The following POLR1B variants were observed in gnomAD, a reference collection of about 807,000 sequenced individuals.
The protein encoded by POLR1B is DNA-directed RNA polymerase I subunit RPA2.
A neutral mutation model predicts 105.8 loss-of-function variants in POLR1B; 30 were observed. The ratio of observed to expected loss-of-function variants is 0.28; its 90% CI spans 0.21 to 0.38. POLR1B has a LOEUF of 0.38. POLR1B is among the 10% of genes least tolerant of loss of function. The pLI, the probability that POLR1B is intolerant of heterozygous loss-of-function variation, is 1.00. For missense variants in POLR1B, 976 were observed against 1,435.8 expected, an observed-to-expected ratio of 0.68 and a Z score of 5.17; for synonymous variants, 485 against 505.1, an observed-to-expected ratio of 0.96 and a Z score of 0.53.
At chr2:112,562,519 C>G (rs1024945416) in intron 9 of POLR1B, among the ~76,000 whole-genome samples, 1 of 152,082 alleles carries the variant, frequency 6.6e-6, no homozygotes, top group Admixed American at 6.5e-5. Flanking sequence ...CGGTTTCCCA[C>G]AGTGCATATG....
intron 11 of POLR1B, 29 bp from the exon 12 acceptor site, chr2:112,568,717 T>C: frequency 6.2e-7 from 1 of 1,609,956 alleles, no homozygotes; most frequent in South Asian, 1.1e-5. Context: ...GTTGCAGTTA[T>C]TTTGTGCCTT....
chr2:112,546,327 T>G (rs1300159163), intron 1 of POLR1B, among the ~76,000 whole-genome samples: 1 of 152,176 alleles, frequency 6.6e-6, no homozygotes, highest in Non-Finnish European at 1.5e-5. Flanking sequence ...GTATCCTTGC[T>G]CTATTAGCAG....
intron 10 of POLR1B, among the ~76,000 whole-genome samples, chr2:112,565,089 C>T (rs991404902): frequency 3.9e-5 from 6 of 152,272 alleles, no homozygotes; most frequent in South Asian, 2.1e-4. Flanking sequence ...AGTGCTGTTT[C>T]GGACACTTGG....
At chr2:112,572,832 G>A in intron 13 of POLR1B, 74 bp downstream of exon 13, 1 of 1,357,676 alleles carries the variant, frequency 7.4e-7, no homozygotes, top group South Asian at 1.5e-5. Flanking sequence ...AATCACTGAA[G>A]GAATATTTTT....
At chr2:112,567,896 G>T in intron 10 of POLR1B, 71 bp from the exon 11 acceptor site, 3 of 1,315,192 alleles carry the variant, frequency 2.3e-6, no homozygotes, top group South Asian at 1.3e-5. Flanking sequence ...GTATTCCATG[G>T]GGCATAAGAC....
intron 9 of POLR1B, 72 bp from the exon 10 acceptor site, chr2:112,564,294 C>T (rs1031411089): frequency 6.4e-7 from 1 of 1,558,326 alleles, no homozygotes; most frequent in Non-Finnish European, 8.8e-7. Flanking sequence ...AGCTGTTGAC[C>T]CCATCTGGAG....
At chr2:112,556,530 G>C (rs1683671358) in intron 7 of POLR1B, among the ~76,000 whole-genome samples, 1 of 152,178 alleles carries the variant, frequency 6.6e-6, no homozygotes, top group Non-Finnish European at 1.5e-5. Flanking sequence ...GAAATGAAAT[G>C]TGTCACTTCC....
chr2:112,561,941 G>A (rs933297103), intron 9 of POLR1B, among the ~76,000 whole-genome samples: 3 of 152,050 alleles, frequency 2.0e-5, no homozygotes, highest in African/African-American at 7.3e-5. Context: ...CAAAGTGCTG[G>A]GATTGCAGGT....
At chr2:112,556,180 C>T (rs541982568) in intron 7 of POLR1B, among the ~76,000 whole-genome samples, 3 of 152,326 alleles carry the variant, frequency 2.0e-5, no homozygotes, top group South Asian at 4.1e-4. Context: ...ATCTAAACAG[C>T]AACCAGCAGA....
At chr2:112,549,231 C>G in intron 3 of POLR1B, 36 bp from the exon 4 acceptor site, 1 of 1,608,804 alleles carries the variant, frequency 6.2e-7, no homozygotes, top group Non-Finnish European at 8.5e-7. Context: ...AGTCATGTAT[C>G]TTTGTTTAAC....
chr2:112,549,171 T>A, intron 3 of POLR1B, 96 bp from the exon 4 acceptor site: 1 of 1,348,128 alleles, frequency 7.4e-7, no homozygotes, highest in Non-Finnish European at 1.1e-6. Flanking sequence ...GTGTTCCTAT[T>A]CTGTGTGTTG....
At position 112,575,883 on chromosome 2, in the gene POLR1B, T is replaced by C; in HGVS notation, c.*154T>C. 2.9e-6 allele frequency: 2 copies of C among 700,124 alleles called. No homozygotes were observed. Among genetic ancestry groups the C allele is most frequent in the South Asian group, 3.9e-5 (2 of 50,936 alleles). 43.4% of individuals were successfully genotyped at this position (700,124 alleles called of 1,614,324 possible). A position where few individuals can be genotyped will look rare whatever the true frequency, so the allele number is the denominator to read the frequency against. On this transcript the variant is annotated 3_prime_UTR_variant, in exon 15 of 15. Transcript: ENST00000263331. This position sits in a 1 kb window ranked among gnomAD's most constrained non-coding sequence, Gnocchi z 5.3. The stretch of plus-strand genomic sequence containing the variant: ...CTGAAAACCAAGTATGCAAGGTTTC[T>C]GAATCTCTCTGGTAGATTAACTATT...
Position 112,568,738 on chromosome 2 carries a change from T to C in POLR1B, c.1918-8T>C, listed in dbSNP as rs1425388181. 1.9e-6 allele frequency: 3 copies of C among 1,613,602 alleles called. No homozygotes were observed. Among genetic ancestry groups the C allele is most frequent in the East Asian group, 2.2e-5 (1 of 44,874 alleles). On this transcript the variant is annotated splice_region_variant and splice_polypyrimidine_tract_variant and intron_variant, in intron 11 of 14. Transcript: ENST00000263331. ...GTTATTTTGTGCCTTGGACATCTGC[T>C]CTTCCAGATCTTCATGAATGTCGCT...
intron 9 of POLR1B, among the ~76,000 whole-genome samples, chr2:112,562,069 A>G (rs1291635410): frequency 2.6e-5 from 4 of 152,130 alleles, no homozygotes; most frequent in Admixed American, 2.0e-4. Flanking sequence ...GGCAAGGGGC[A>G]CTTGTTTATA....
chr2:112,565,285 T>G (rs891286509), intron 10 of POLR1B, among the ~76,000 whole-genome samples: 1 of 152,226 alleles, frequency 6.6e-6, no homozygotes, highest in African/African-American at 2.4e-5. Flanking sequence ...CCCCCCTGTA[T>G]ACACATTACC....
Position 112,557,964 on chromosome 2 carries a change from C to A in POLR1B, c.1213C>A (p.Gln405Lys). ...TAAAATAGCTTTTGATAAGAAGGCT[C>A]AGAAGACCAGTGTTTCCATGAACAC... ...SIKIAFDKKA[Q>K]KTSVSMNTDN... Residue 405 changes from glutamine to lysine, a missense_variant, in exon 8 of 15, where the codon CAG becomes AAG. Physicochemically the swap from Gln to Lys is moderately conservative, Grantham distance 53 (BLOSUM62 1). Transcript: ENST00000263331. The A allele has an allele frequency of 7.1e-7, 1 of 1,414,200 alleles. No individual in the cohort carries two copies. The highest frequency in any genetic ancestry group is 9.3e-7 in the Non-Finnish European group (1 of 1,070,498). The allele number at this position is 1,414,200 out of a possible 1,614,324, so 87.6% of individuals were successfully genotyped here. A position where few individuals can be genotyped will look rare whatever the true frequency, so the allele number is the denominator to read the frequency against.
chr2:112,574,390 T>G (rs1439015164), intron 14 of POLR1B, among the ~76,000 whole-genome samples: 6 of 152,206 alleles, frequency 3.9e-5, no homozygotes, highest in Non-Finnish European at 8.8e-5. Context: ...GCTCTATTCA[T>G]ACCATCTCTG....
rs61116291 is a variant in POLR1B at position 112,574,723 on chromosome 2, TAAAA to T, written c.2526-105_2526-102del. 109,517 of 577,108 alleles carry T rather than the reference TAAAA, an allele frequency of 0.19. 753 individuals are homozygous for T. Among genetic ancestry groups the T allele is most frequent in the East Asian group, 0.29 (8,512 of 29,062 alleles). The allele number at this position is 577,108 out of a possible 1,614,324, so 35.7% of individuals were successfully genotyped here. A position where few individuals can be genotyped will look rare whatever the true frequency, so the allele number is the denominator to read the frequency against. On this transcript the variant is annotated intron_variant, in intron 14 of 14. Transcript: ENST00000263331. ...GGCAACAGAGTGAGACCCTGTATCATAAAAAAAAAAAAAAAAAAAAAAGTTTTAC... is the reference window on the plus strand; with the variant it reads ...GGCAACAGAGTGAGACCCTGTATCATAAAAAAAAAAAAAAAAAAGTTTTAC...
rs746526952 is a variant in POLR1B at position 112,568,029 on chromosome 2, A to T, written c.1809A>T (p.Lys603Asn). ...TGGTCCTTATACCCATGACAGGAAA[A>T]CCAAGTCTGTACCCAGGATTGTTCC... Reference protein sequence around the residue: ...MEVVLIPMTGKPSLYPGLFLF... With the variant: ...MEVVLIPMTGNPSLYPGLFLF... Residue 603 changes from lysine (K) to asparagine (N), a missense_variant, in exon 11 of 15, where the codon AAA (lysine) becomes AAT (asparagine). Around this residue, in one of 12 missense-constraint regions of POLR1B, gnomAD observed 184 missense variants for 197.4 expected, o/e 0.93. Transcript: ENST00000263331. 2 of 1,614,112 alleles carry T rather than the reference A, an allele frequency of 1.2e-6. No individual in the cohort carries two copies. Among genetic ancestry groups the T allele is most frequent in the Non-Finnish European group, 8.5e-7 (1 of 1,179,968 alleles).
Sources: gnomAD v4.1 joint callset for allele counts (sites outside exome capture counted in the v4.1 genomes callset) on GRCh38, gnomAD v4.1.1 for gene constraint, gnomAD v4.1.1 regional missense constraint, Gnocchi (gnomAD v3.1) non-coding constraint, MANE v1.5 for transcripts, NCBI Gene and HGNC (gene_info 2026-07-23, HGNC 2026-07-21) for gene names.